The following TMIGD2 variants were observed in gnomAD, a reference collection of about 807,000 sequenced individuals.
TMIGD2 encodes transmembrane and immunoglobulin domain-containing protein 2.
In TMIGD2, 18 loss-of-function variants were observed where a neutral mutation model predicts 22.6. The ratio of observed to expected loss-of-function variants is 0.80; its 90% CI spans 0.55 to 1.18. The LOEUF (loss-of-function observed/expected upper bound fraction) is 1.18, where lower values mean the gene tolerates loss of function less well. Ranked by LOEUF, TMIGD2 falls within the 50% of genes most tolerant of loss-of-function variation. The pLI is 0.00. For synonymous variants in TMIGD2, 184 were observed against 154.1 expected (o/e 1.19, Z -1.44); for missense variants, 361 against 378.2 (o/e 0.95, Z 0.38).
intron 2 of TMIGD2, among the ~76,000 whole-genome samples, chr19:4,295,988 A>G (rs530119140): frequency 3.9e-5 from 6 of 152,190 alleles, no homozygotes; most frequent in African/African-American, 1.2e-4. Flanking sequence ...GCGTGATCGT[A>G]GCTCACTGCA....
At position 4,298,330 on chromosome 19, in the gene TMIGD2, G is replaced by C; in HGVS notation, c.62C>G (p.Ser21Ter). 6.3e-7 allele frequency: 1 copy of C among 1,581,132 alleles called. No individual in the cohort carries two copies. The highest frequency in any genetic ancestry group is 8.6e-7 in the Non-Finnish European group (1 of 1,167,100). ...GGGCCCCTGCTGCACGCTCAGGCTTGAGGCTTCTTGCAGGGCTGGAGGACA... is the reference window on the plus strand; with the variant it reads ...GGGCCCCTGCTGCACGCTCAGGCTTCAGGCTTCTTGCAGGGCTGGAGGACA... The change falls in exon 2 of 5, where the codon TCA becomes TGA. Residue 21 changes from serine (S) to a stop codon, truncating the protein, a stop_gained. Transcript: ENST00000301272. LOFTEE classifies it high-confidence loss of function.
rs150624267 is a variant in TMIGD2 at position 4,298,046 on chromosome 19, C to T, written c.346G>A (p.Val116Ile). 1.3e-5 allele frequency: 21 copies of T among 1,613,114 alleles called. No individual in the cohort carries two copies. The East Asian group carries it at 2.2e-4, about 17-fold the overall frequency. ...GCCTCCTCCAACTCAGGAATCTCTA[C>T]GGCCGCCCAGCACACGTACGCCCCG... Residue 116 changes from valine (V) to isoleucine (I), a missense_variant, in exon 2 of 5, where the codon GTA becomes ATA. Transcript: ENST00000301272.
chr19:4,296,097 C>A (rs1231636411), intron 2 of TMIGD2, among the ~76,000 whole-genome samples: 2 of 152,026 alleles, frequency 1.3e-5, no homozygotes, highest in African/African-American at 4.8e-5. Flanking sequence ...TTTAGAATTT[C>A]TTGTAGAGAT....
At chr19:4,294,161 G>A (rs570371285) in intron 4 of TMIGD2, among the ~76,000 whole-genome samples, 21 of 150,760 alleles carry the variant, frequency 1.4e-4, no homozygotes, top group Non-Finnish European at 2.5e-4. Context: ...TCTGCCTCCC[G>A]GGTTCAAGCG....
rs76177276 is a variant in TMIGD2 at position 4,294,612 on chromosome 19, A to T, written c.517T>A (p.Trp173Arg). Residue 173 changes from tryptophan to arginine, a missense_variant, in exon 4 of 5, where the codon TGG (tryptophan) becomes AGG (arginine). Transcript: ENST00000301272. ...CTTTGCTGGCAGCTGCGGCGGCCCC[A>T]GAACCAGGCACCCCACACGATCGCA... 11 of 1,610,486 alleles carry T rather than the reference A, an allele frequency of 6.8e-6. 1 individual carries two copies. In the South Asian group the frequency reaches 1.1e-4, roughly 16 times the overall value.
At chr19:4,293,373 G>A (rs1017554281) in intron 4 of TMIGD2, among the ~76,000 whole-genome samples, 6 of 145,916 alleles carry the variant, frequency 4.1e-5, no homozygotes, top group Admixed American at 1.4e-4. Context: ...TGATTCTCCT[G>A]CCTCAGTCTC....
chr19:4,292,336 A>G (rs1971390798), exon 5 of TMIGD2: 1 of 447,398 alleles, frequency 2.2e-6, no homozygotes, highest in South Asian at 2.4e-5. Flanking sequence ...CAGGCTCCCA[A>G]TCCTCCTGCT....
chr19:4,293,918 C>T (rs1255463622), intron 4 of TMIGD2, among the ~76,000 whole-genome samples: 2 of 151,704 alleles, frequency 1.3e-5, no homozygotes, highest in Non-Finnish European at 2.9e-5. Flanking sequence ...CAGGCCACCA[C>T]GCCTGGGTAA....
chr19:4,297,401 G>A (rs369720120), intron 2 of TMIGD2, among the ~76,000 whole-genome samples: 1 of 151,938 alleles, frequency 6.6e-6, no homozygotes, highest in African/African-American at 2.4e-5. Flanking sequence ...ACAGGGTCTC[G>A]CTCTGTCGCC....
exon 5 of TMIGD2, chr19:4,292,778 T>C (rs773560195): frequency 1.9e-6 from 3 of 1,610,682 alleles, no homozygotes; most frequent in Admixed American, 1.7e-5. Flanking sequence ...GGGAAGGAGG[T>C]TGAATAAATG....
intron 4 of TMIGD2, among the ~76,000 whole-genome samples, chr19:4,293,976 G>C (rs12982911): frequency 0.25 from 37,858 of 151,496 alleles, 5,241 homozygotes; most frequent in Admixed American, 0.36. Flanking sequence ...CGCCCAGGCT[G>C]GTCTCAAACT....
chr19:4,294,494 G>C, intron 4 of TMIGD2, 85 bp downstream of exon 4: 1 of 1,301,776 alleles, frequency 7.7e-7, no homozygotes. Context: ...CTTCCCCCAG[G>C]CGGGAGCACA....
At chr19:4,297,501 C>A (rs1971476858) in intron 2 of TMIGD2, among the ~76,000 whole-genome samples, 1 of 152,180 alleles carries the variant, frequency 6.6e-6, no homozygotes, top group Non-Finnish European at 1.5e-5. Flanking sequence ...TCCCAAAATG[C>A]TGGGATTACA....
chr19:4,294,472 CCCT>C lies in TMIGD2; in HGVS notation c.562+92_562+94del, dbSNP rs1443545267. The C allele has an allele frequency of 7.5e-6, 8 of 1,060,282 alleles. No homozygotes were observed. The African/African-American group carries it at 1.3e-4, about 17-fold the overall frequency. 65.7% of individuals were successfully genotyped at this position (1,060,282 alleles called of 1,614,324 possible). A position where few individuals can be genotyped will look rare whatever the true frequency, so the allele number is the denominator to read the frequency against. On this transcript the variant is annotated intron_variant, in intron 4 of 4. Transcript: ENST00000301272. The stretch of plus-strand genomic sequence containing the variant: ...GGAGCCAGGCTTCTCCTCCCTTCAT[CCCT>C]CCTCCATCCTTCCCCCAGGCGGGAG...
chr19:4,300,065 A>G (rs1971515223), intron 1 of TMIGD2, among the ~76,000 whole-genome samples: 1 of 150,264 alleles, frequency 6.7e-6, no homozygotes, highest in African/African-American at 2.5e-5. Context: ...GTTCAAGACC[A>G]GCCTGGCCAA....
rs73919827 is a variant in TMIGD2, at chr19:4,298,459, G to T, written c.47-114C>A. The T allele has an allele frequency of 2.0e-4, 287 of 1,404,052 alleles. 1 individual carries two copies. The African/African-American group carries it at 3.6e-3, about 18-fold the overall frequency. The allele number at this position is 1,404,052 out of a possible 1,614,324, so 87.0% of individuals were successfully genotyped here. ...GTTTGAAACCTCACTTGTCTAAGAC[G>T]GGTGCAGTGGCTCACGCCTGTAGTC... On this transcript the variant is annotated intron_variant, in intron 1 of 4. Transcript: ENST00000301272.
rs545756717 is a variant in TMIGD2, at chr19:4,293,130, A to AT, written c.563-246dup. ...AGGCTCCCGCCACCATGCCTGGCTG[A>AT]TTTTTTGTATTTTTAGTAGAGACGG... On this transcript the variant is annotated intron_variant, in intron 4 of 4. Transcript: ENST00000301272. Among the ~76,000 whole-genome samples the AT allele has an allele frequency of 2.5e-3, 378 of 151,752 alleles. 1 individual carries two copies. Among genetic ancestry groups the AT allele is most frequent in the African/African-American group, 8.8e-3 (362 of 41,344 alleles).
At chr19:4,298,272 C>T (rs773648143) in exon 2 of TMIGD2, 49 of 1,610,496 alleles carry the variant, frequency 3.0e-5, no homozygotes, top group Non-Finnish European at 3.8e-5. Flanking sequence ...AGACCAGGGT[C>T]GCCTGACTGC....
chr19:4,297,631 C>T (rs1421125564), intron 2 of TMIGD2, among the ~76,000 whole-genome samples: 1 of 152,100 alleles, frequency 6.6e-6, no homozygotes, highest in Non-Finnish European at 1.5e-5. Flanking sequence ...CTGAGGCAGG[C>T]AGATCACGAG....
Sources: gnomAD v4.1 joint callset for allele counts (sites outside exome capture counted in the v4.1 genomes callset) on GRCh38, gnomAD v4.1.1 for gene constraint, MANE v1.5 for transcripts, NCBI Gene and HGNC (gene_info 2026-07-23, HGNC 2026-07-21) for gene names.